Variants in SPIDR observed in about 807,000 individuals in gnomAD.
The protein encoded by SPIDR is scaffold protein involved in DNA repair.
A neutral mutation model predicts 104.6 loss-of-function variants in SPIDR; 93 were observed. That is an observed-to-expected ratio of 0.89 (90% CI 0.75 to 1.06). The LOEUF is 1.06. Among genes scored for constraint, SPIDR ranks in the 50% least tolerant of loss-of-function variants. The probability of loss-of-function intolerance (pLI) is 0.00; values close to 1 mark genes in which losing one functional copy is unlikely to be tolerated. For missense variants in SPIDR, 1,154 were observed against 1,111.2 expected, an observed-to-expected ratio of 1.04 and a Z score of -0.55; for synonymous variants, 431 against 416.9, an observed-to-expected ratio of 1.03 and a Z score of -0.41.
At chr8:47,578,326 G>A (rs1270035133) in intron 8 of SPIDR, among the ~76,000 whole-genome samples, 2 of 152,108 alleles carry the variant, frequency 1.3e-5, no homozygotes, top group Non-Finnish European at 1.5e-5. Flanking sequence ...CAAAAAATTA[G>A]CCGGGCATGG....
At chr8:47,561,491 C>T (rs936825001) in intron 8 of SPIDR, among the ~76,000 whole-genome samples, 6 of 152,214 alleles carry the variant, frequency 3.9e-5, no homozygotes, top group Admixed American at 1.3e-4. Flanking sequence ...TTTCTCAGCC[C>T]GCTGCAGTTG....
chr8:47,324,071 C>A (rs1554598711), intron 5 of SPIDR, among the ~76,000 whole-genome samples: 1 of 152,042 alleles, frequency 6.6e-6, no homozygotes, highest in Admixed American at 6.6e-5. Context: ...AATACATGTT[C>A]TTTTCTAGAG....
chr8:47,666,668 A>G (rs991279412), intron 10 of SPIDR, among the ~76,000 whole-genome samples: 2 of 152,200 alleles, frequency 1.3e-5, no homozygotes, highest in African/African-American at 4.8e-5. Flanking sequence ...AGGATCTGGC[A>G]CTAACTGACT....
At chr8:47,502,431 G>T (rs1218108126) in intron 8 of SPIDR, among the ~76,000 whole-genome samples, 1 of 152,170 alleles carries the variant, frequency 6.6e-6, no homozygotes, top group Non-Finnish European at 1.5e-5. Context: ...TTTGCGTAGA[G>T]GTGTTTATAT....
intron 8 of SPIDR, among the ~76,000 whole-genome samples, chr8:47,550,802 T>C (rs931035951): frequency 2.6e-5 from 4 of 152,206 alleles, no homozygotes; most frequent in Non-Finnish European, 4.4e-5. Context: ...CTTCCAACAC[T>C]ATATTGAATA....
chr8:47,359,465 C>A (rs999957631), intron 5 of SPIDR, among the ~76,000 whole-genome samples: 9 of 151,868 alleles, frequency 5.9e-5, no homozygotes, highest in Non-Finnish European at 1.0e-4. Flanking sequence ...TCTGGGCTGT[C>A]CTCAAAGGGG....
chr8:47,657,026 T>C (rs1469401864), intron 10 of SPIDR, among the ~76,000 whole-genome samples: 1 of 152,094 alleles, frequency 6.6e-6, no homozygotes, highest in Non-Finnish European at 1.5e-5. Context: ...ATAGGAGTAA[T>C]TGATGGATGG....
intron 5 of SPIDR, chr8:47,330,890 G>A: frequency 2.3e-6 from 1 of 425,622 alleles, no homozygotes; most frequent in South Asian, 1.6e-5. Flanking sequence ...CTATTGGATT[G>A]TATTGGTAAG....
chr8:47,391,866 G>C (rs1380149061), intron 5 of SPIDR, among the ~76,000 whole-genome samples: 9 of 151,658 alleles, frequency 5.9e-5, no homozygotes, highest in Non-Finnish European at 1.3e-4. Context: ...CGTAGTGGCG[G>C]GCGCCTGTAG....
chr8:47,708,191 C>T (rs774032155), intron 14 of SPIDR, among the ~76,000 whole-genome samples: 1 of 152,146 alleles, frequency 6.6e-6, no homozygotes, highest in Non-Finnish European at 1.5e-5. Context: ...CCCAGCTACC[C>T]GGGAGTCTGA....
intron 8 of SPIDR, among the ~76,000 whole-genome samples, chr8:47,546,441 C>G (rs942426175): frequency 2.0e-5 from 3 of 152,108 alleles, no homozygotes; most frequent in African/African-American, 7.3e-5. Flanking sequence ...TCTACATGGT[C>G]TATAGTGATA....
intron 16 of SPIDR, 105 bp downstream of exon 16, chr8:47,713,746 G>C: frequency 7.0e-7 from 1 of 1,435,914 alleles, no homozygotes; most frequent in African/African-American, 1.4e-5. Flanking sequence ...CACCCGCTAA[G>C]TTCCAGACAC....
intron 8 of SPIDR, among the ~76,000 whole-genome samples, chr8:47,574,091 C>T (rs1033812232): frequency 6.6e-6 from 1 of 152,160 alleles, no homozygotes; most frequent in South Asian, 2.1e-4. Flanking sequence ...GTGCTTGCCT[C>T]TATGTGGTAA....
chr8:47,321,424 A>G (rs1388473977), intron 5 of SPIDR, among the ~76,000 whole-genome samples: 1 of 152,172 alleles, frequency 6.6e-6, no homozygotes, highest in Non-Finnish European at 1.5e-5. Context: ...ACTACAAACC[A>G]CTGCTCAATG....
intron 10 of SPIDR, among the ~76,000 whole-genome samples, chr8:47,606,566 A>G (rs2154428891): frequency 6.6e-6 from 1 of 152,184 alleles, no homozygotes; most frequent in East Asian, 1.9e-4. Context: ...CAAGGATCCC[A>G]AACTCCTGAT....
intron 2 of SPIDR, among the ~76,000 whole-genome samples, chr8:47,283,122 C>G (rs1554560195): frequency 6.6e-6 from 1 of 152,204 alleles, no homozygotes; most frequent in African/African-American, 2.4e-5. Flanking sequence ...TCCCAGAGTT[C>G]TGGGATTACA....
At chr8:47,625,630 A>G (rs2065941217) in intron 10 of SPIDR, among the ~76,000 whole-genome samples, 2 of 152,164 alleles carry the variant, frequency 1.3e-5, no homozygotes, top group Admixed American at 6.5e-5. Flanking sequence ...GTGAACTCCC[A>G]TTCACAATTG....
chr8:47,439,858 TG>T (rs2069063814), intron 7 of SPIDR, among the ~76,000 whole-genome samples: 1 of 152,188 alleles, frequency 6.6e-6, no homozygotes, highest in South Asian at 2.1e-4. Flanking sequence ...TTAGCCTTTC[TG>T]ATCATTGGAA....
rs150164879 is a variant in SPIDR, at chr8:47,314,721, G to A, written c.525+20691G>A. On this transcript the variant is annotated intron_variant, in intron 5 of 19. Coordinates refer to ENST00000297423, the MANE Select transcript of SPIDR (RefSeq NM_001080394.4). Reference sequence around the variant, plus strand: ...GAACTACAATTCAAGATGAGATTTGGGTGGAGACACAGCCAAACCATATCA... The same window carrying A: ...GAACTACAATTCAAGATGAGATTTGAGTGGAGACACAGCCAAACCATATCA... Among the ~76,000 whole-genome samples the A allele has an allele frequency of 3.6e-3, 542 of 152,258 alleles. 1 individual carries two copies. Among genetic ancestry groups the A allele is most frequent in the Middle Eastern group, 0.014 (4 of 294 alleles).
Sources: gnomAD v4.1 joint callset for allele counts (sites outside exome capture counted in the v4.1 genomes callset) on GRCh38, gnomAD v4.1.1 for gene constraint, MANE v1.5 for transcripts, NCBI Gene and HGNC (gene_info 2026-07-23, HGNC 2026-07-21) for gene names.